Variants in POLA1 observed in about 807,000 individuals in gnomAD.
POLA1 encodes DNA polymerase alpha 1, catalytic subunit, also known as DNA polymerase alpha catalytic subunit.
Under a neutral mutation model 124.0 loss-of-function variants are expected in POLA1, and 15 were observed. The ratio of observed to expected loss-of-function variants is 0.12; its 90% CI spans 0.08 to 0.19. POLA1 has a LOEUF of 0.19. Among genes scored for constraint, POLA1 ranks in the 10% least tolerant of loss-of-function variants. The pLI, the probability that POLA1 is intolerant of heterozygous loss-of-function variation, is 1.00. For synonymous variants in POLA1, 408 were observed against 389.4 expected, an observed-to-expected ratio of 1.05 and a Z score of -0.56; for missense variants, 886 against 1,103.4, an observed-to-expected ratio of 0.80 and a Z score of 2.79.
intron 34 of POLA1, among the ~76,000 whole-genome samples, chrX:24,857,898 G>A (rs1285804209): frequency 1.8e-5 from 2 of 110,594 alleles, no homozygotes; most frequent in African/African-American, 6.6e-5. Flanking sequence ...GATTTTTAAG[G>A]GTTTGAAAAC....
chrX:24,804,224 A>C (rs900530448), intron 26 of POLA1, among the ~76,000 whole-genome samples: 3 of 111,439 alleles, frequency 2.7e-5, no homozygotes, highest in Non-Finnish European at 5.7e-5. Context: ...ATAACAGAGA[A>C]TAGGAAAAAG....
chrX:24,928,704 T>A (rs1331449729), intron 35 of POLA1, among the ~76,000 whole-genome samples: 1 of 112,268 alleles, frequency 8.9e-6, no homozygotes, highest in Non-Finnish European at 1.9e-5. Context: ...CAGGGAGATG[T>A]GTACCAGCAA....
intron 28 of POLA1, 54 bp from the exon 29 acceptor site, chrX:24,812,604 C>T: frequency 2.8e-6 from 2 of 713,830 alleles, no homozygotes; most frequent in South Asian, 2.4e-5. Flanking sequence ...ACATGTTCAT[C>T]TTCTCCCTAT....
At chrX:24,914,721 T>G (rs189261478) in intron 35 of POLA1, among the ~76,000 whole-genome samples, 2 of 111,748 alleles carry the variant, frequency 1.8e-5, no homozygotes, top group Non-Finnish European at 3.8e-5. Context: ...TCCGCATTCT[T>G]TTATGCAACA....
chrX:24,903,586 C>G (rs919697875), intron 35 of POLA1, among the ~76,000 whole-genome samples: 4 of 111,913 alleles, frequency 3.6e-5, no homozygotes, highest in African/African-American at 1.3e-4. Context: ...AGAATTAATA[C>G]ATCAGTGCTG....
At chrX:24,789,086 G>A (rs376478259) in intron 26 of POLA1, 7 of 1,193,063 alleles carry the variant, frequency 5.9e-6, no homozygotes, top group Non-Finnish European at 6.8e-6. Context: ...GGCTGTATCC[G>A]AGAGCTGGGG....
chrX:24,879,352 C>A (rs2046974843), intron 34 of POLA1, among the ~76,000 whole-genome samples: 1 of 111,672 alleles, frequency 9.0e-6, no homozygotes, highest in Non-Finnish European at 1.9e-5. Flanking sequence ...ACATTCATTA[C>A]AGTTGGAATG....
intron 26 of POLA1, among the ~76,000 whole-genome samples, chrX:24,763,896 G>A (rs1048586903): frequency 9.0e-6 from 1 of 111,535 alleles, no homozygotes; most frequent in East Asian, 2.8e-4. Flanking sequence ...AGAATCTGAG[G>A]CACAAGGAAG....
At chrX:24,940,994 T>A (rs1298259541) in intron 36 of POLA1, among the ~76,000 whole-genome samples, 1 of 112,070 alleles carries the variant, frequency 8.9e-6, no homozygotes, top group Non-Finnish European at 1.9e-5. Flanking sequence ...TCTCTAGTAG[T>A]TAGGGGTTAT....
Position 24,737,607 on chromosome X carries a change from CCTT to C in POLA1, c.1924-14_1924-12del, listed in dbSNP as rs1931359352. The stretch of plus-strand genomic sequence containing the variant: ...GCATTTGTTATAACATTATCAGCTG[CCTT>C]CTTTTTCTGACTAGGGTCATAATAT... On this transcript the variant is annotated splice_polypyrimidine_tract_variant and intron_variant, in intron 18 of 36. Transcript: ENST00000379068. The C allele has an allele frequency of 2.6e-6, 2 of 766,733 alleles. No individual in the cohort carries two copies. Among genetic ancestry groups the C allele is most frequent in the East Asian group, 3.2e-5 (1 of 31,393 alleles). 63.2% of individuals were successfully genotyped at this position (766,733 alleles called of 1,213,427 possible). A position where few individuals can be genotyped will look rare whatever the true frequency, so the allele number is the denominator to read the frequency against.
chrX:24,952,287 A>G (rs963178228), intron 36 of POLA1, among the ~76,000 whole-genome samples: 2 of 111,923 alleles, frequency 1.8e-5, no homozygotes, highest in East Asian at 5.6e-4. Flanking sequence ...TGTATTTCTC[A>G]GTTAATAGTA....
At chrX:24,754,605 A>G (rs184893215) in intron 26 of POLA1, among the ~76,000 whole-genome samples, 3 of 111,597 alleles carry the variant, frequency 2.7e-5, no homozygotes, top group Admixed American at 1.9e-4. Context: ...GCAATAAAAT[A>G]TTATAGAGAC....
intron 36 of POLA1, among the ~76,000 whole-genome samples, chrX:24,955,102 CTTTTTGTTTGT>C (rs2048091158): frequency 1.8e-5 from 2 of 109,324 alleles, no homozygotes; most frequent in Middle Eastern, 4.7e-3. Context: ...GCAGAATTTG[CTTTTTGTTTGT>C]TTTTTGTTTG....
At chrX:24,695,187 T>A (rs2148296385) in intron 1 of POLA1, among the ~76,000 whole-genome samples, 1 of 111,906 alleles carries the variant, frequency 8.9e-6, no homozygotes, top group African/African-American at 3.2e-5. Flanking sequence ...GAAGGATTGT[T>A]ACCTGAAAGA....
At chrX:24,856,826 TA>T (rs1048311586) in intron 34 of POLA1, among the ~76,000 whole-genome samples, 2 of 110,388 alleles carry the variant, frequency 1.8e-5, no homozygotes, top group Non-Finnish European at 3.8e-5. Context: ...TTCCCCCATT[TA>T]AAAAAAATTG....
intron 32 of POLA1, among the ~76,000 whole-genome samples, chrX:24,835,671 CTT>C (rs2046333019): frequency 9.1e-6 from 1 of 109,963 alleles, no homozygotes. Flanking sequence ...CTGGTGGTAT[CTT>C]TTAACATGTT....
chrX:24,949,604 TAAAAAA>T (rs762001201), intron 36 of POLA1, among the ~76,000 whole-genome samples: 1 of 76,478 alleles, frequency 1.3e-5, no homozygotes. Flanking sequence ...GTTTAAACAG[TAAAAAA>T]AAAAAAAAAA....
chrX:24,900,478 A>G (rs1221907499), intron 35 of POLA1, among the ~76,000 whole-genome samples: 1 of 112,260 alleles, frequency 8.9e-6, no homozygotes, highest in African/African-American at 3.2e-5. Context: ...AGGGCAGAAC[A>G]TTCTTCACCA....
Position 24,741,115 on chromosome X carries a change from TTGTGTGTG to T in POLA1, c.2217-235_2217-228del, listed in dbSNP as rs751996539. The stretch of plus-strand genomic sequence containing the variant: ...TACTTCAGTTTTTCCTTATGGGATT[TTGTGTGTG>T]TGTGTGTGTGTGTGTGTGTGTGTGC... On this transcript the variant is annotated intron_variant, in intron 20 of 36. Coordinates refer to ENST00000379068, the MANE Select transcript of POLA1 (RefSeq NM_001330360.2). 4.5e-3 allele frequency among the ~76,000 whole-genome samples: 401 copies of T among 89,579 alleles called. 3 individuals carry two copies. Among genetic ancestry groups the T allele is most frequent in the African/African-American group, 0.015 (386 of 25,593 alleles). The allele number at this position is 89,579 out of a possible 115,157, so 77.8% of individuals were successfully genotyped here.
Sources: gnomAD v4.1 joint callset for allele counts (sites outside exome capture counted in the v4.1 genomes callset) on GRCh38, gnomAD v4.1.1 for gene constraint, MANE v1.5 for transcripts, NCBI Gene and HGNC (gene_info 2026-07-23, HGNC 2026-07-21) for gene names.